The following TRPM3 variants were observed in gnomAD, a reference collection of about 807,000 sequenced individuals.
TRPM3 encodes the protein long transient receptor potential channel 3.
TRPM3 carries 77 observed loss-of-function variants against 181.2 expected under a neutral mutation model. The observed-to-expected ratio is 0.42, with a 90% CI of 0.35 to 0.51. TRPM3 has a LOEUF of 0.51. Ranked by LOEUF, TRPM3 falls within the 20% of genes least tolerant of loss-of-function variation. TRPM3 has a pLI of 0.01. For missense variants in TRPM3, 1,759 were observed against 2,196.7 expected (o/e 0.80, Z 3.98); for synonymous variants, 745 against 796.4 (o/e 0.94, Z 1.09).
chr9:70,650,353 A>T (rs1341661514), intron 9 of TRPM3, among the ~76,000 whole-genome samples: 1 of 152,050 alleles, frequency 6.6e-6, no homozygotes, highest in African/African-American at 2.4e-5. Context: ...GGCCAGCTCA[A>T]TTTTTCCCCT....
intron 1 of TRPM3, among the ~76,000 whole-genome samples, chr9:71,037,835 T>C (rs900212212): frequency 6.6e-6 from 1 of 152,256 alleles, no homozygotes; most frequent in Admixed American, 6.5e-5. Flanking sequence ...CTATCAAGTA[T>C]GGATGCCACA....
Position 71,062,713 on chromosome 9 carries a change from C to T in TRPM3, c.177+58465G>A, listed in dbSNP as rs79727585. Among the ~76,000 whole-genome samples the T allele has an allele frequency of 4.9e-3, 748 of 152,126 alleles. 18 individuals are homozygous for T. In the East Asian group the frequency reaches 0.078, roughly 16 times the overall value. ...TTATTAGGTCATAAGGGCTCTACTT[C>T]CATGAATGAATTAATGCCGTTATCA... is the stretch of plus-strand genomic sequence containing the variant. On this transcript the variant is annotated intron_variant, in intron 1 of 25. Coordinates refer to ENST00000677713, the MANE Select transcript of TRPM3 (RefSeq NM_001366145.2).
intron 1 of TRPM3, among the ~76,000 whole-genome samples, chr9:71,217,140 C>T (rs898180201): frequency 1.3e-5 from 2 of 151,124 alleles, no homozygotes; most frequent in Middle Eastern, 3.4e-3. Flanking sequence ...TTAGTAGAGA[C>T]GGGGTTTCAC....
At chr9:71,324,875 G>A (rs893722010) in intron 1 of TRPM3, among the ~76,000 whole-genome samples, 1 of 152,076 alleles carries the variant, frequency 6.6e-6, no homozygotes, top group Non-Finnish European at 1.5e-5. Flanking sequence ...GTTCTCACAT[G>A]TGTAAGCTAA....
At chr9:70,657,000 C>T (rs2060442521) in intron 9 of TRPM3, among the ~76,000 whole-genome samples, 1 of 149,320 alleles carries the variant, frequency 6.7e-6, no homozygotes. Flanking sequence ...TAAATGTAGT[C>T]CTAGAATAAA....
At chr9:70,558,240 C>A (rs2048212724) in intron 22 of TRPM3, among the ~76,000 whole-genome samples, 1 of 152,196 alleles carries the variant, frequency 6.6e-6, no homozygotes, top group Non-Finnish European at 1.5e-5. Context: ...CTCAGCCATG[C>A]CTAAAACCAG....
At chr9:70,913,257 A>G (rs1184799655) in intron 1 of TRPM3, among the ~76,000 whole-genome samples, 6 of 152,100 alleles carry the variant, frequency 3.9e-5, no homozygotes, top group African/African-American at 1.4e-4. Flanking sequence ...TTTCAATTCT[A>G]CCCGTACGCA....
At chr9:71,402,163 A>C (rs1005523165) in intron 1 of TRPM3, among the ~76,000 whole-genome samples, 3 of 152,234 alleles carry the variant, frequency 2.0e-5, no homozygotes, top group African/African-American at 7.2e-5. Context: ...TTTGCTGCTT[A>C]CTTTTGCCAA....
chr9:70,916,218 A>C (rs1352521708), intron 1 of TRPM3, among the ~76,000 whole-genome samples: 2 of 152,186 alleles, frequency 1.3e-5, no homozygotes, highest in East Asian at 3.9e-4. Flanking sequence ...TTTCATCAAC[A>C]CCAGACCTGT....
At chr9:70,889,415 C>T (rs992683687) in intron 1 of TRPM3, among the ~76,000 whole-genome samples, 6 of 152,120 alleles carry the variant, frequency 3.9e-5, no homozygotes, top group South Asian at 2.1e-4. Context: ...GCGAGGTCCC[C>T]GCCAACCCCA....
chr9:70,971,367 T>C (rs895035421), intron 1 of TRPM3, among the ~76,000 whole-genome samples: 2 of 152,128 alleles, frequency 1.3e-5, no homozygotes, highest in African/African-American at 4.8e-5. Flanking sequence ...TTCTTGCCCT[T>C]TTTAATGCCT....
At chr9:70,538,977 T>C (rs2042527306) in intron 25 of TRPM3, among the ~76,000 whole-genome samples, 1 of 152,256 alleles carries the variant, frequency 6.6e-6, no homozygotes. Flanking sequence ...CACTTTTAAA[T>C]GTCCAAAGAC....
intron 1 of TRPM3, among the ~76,000 whole-genome samples, chr9:71,041,602 C>A (rs1266445059): frequency 6.6e-6 from 1 of 152,088 alleles, no homozygotes; most frequent in African/African-American, 2.4e-5. Flanking sequence ...CCACTCGACC[C>A]AGCTCAGAGA....
In TRPM3 at chr9:71,405,738, A is replaced by G. The variant is rs115070593; in HGVS notation, c.183+40915T>C. The stretch of plus-strand genomic sequence containing the variant: ...TCCTTTCGTGCTTATAAAATTATCA[A>G]CTCTATTTGTCCTTATTCCCTGTAC... On this transcript the variant is annotated intron_variant, in intron 1 of 24. Transcript: ENST00000357533. Among the ~76,000 whole-genome samples, 857 of 152,162 alleles carry G rather than the reference A, an allele frequency of 5.6e-3. 12 individuals are homozygous for G. The highest frequency in any genetic ancestry group is 0.019 in the African/African-American group (806 of 41,484).
rs1043647803 is a variant in TRPM3 at position 71,262,017 on chromosome 9, C to T, written c.183+184636G>A. Among the ~76,000 whole-genome samples the T allele has an allele frequency of 5.9e-5, 9 of 152,328 alleles. No individual in the cohort carries two copies. In the East Asian group the frequency reaches 9.7e-4, roughly 16 times the overall value. On this transcript the variant is annotated intron_variant, in intron 1 of 24. Transcript: ENST00000357533. ...CTTGAGGAGGCAGTCTGTCCCTTAG[C>T]AGAGCTCAAGCACTGTGCTGGGAGA...
intron 1 of TRPM3, among the ~76,000 whole-genome samples, chr9:71,234,186 T>C (rs937028691): frequency 2.0e-5 from 3 of 152,176 alleles, no homozygotes; most frequent in Non-Finnish European, 4.4e-5. Flanking sequence ...CAACCCTCTA[T>C]ATAGAGCTGC....
intron 1 of TRPM3, among the ~76,000 whole-genome samples, chr9:71,215,723 A>C (rs2079822596): frequency 6.6e-6 from 1 of 152,192 alleles, no homozygotes; most frequent in South Asian, 2.1e-4. Flanking sequence ...TTTTGTGAGA[A>C]ATTGAAAATT....
Position 71,136,537 on chromosome 9 carries a change from C to T in TRPM3, c.184-272026G>A, listed in dbSNP as rs532303029. Among the ~76,000 whole-genome samples the T allele has an allele frequency of 4.6e-5, 7 of 152,342 alleles. No homozygotes were observed. In the East Asian group the frequency reaches 9.6e-4, roughly 21 times the overall value. On this transcript the variant is annotated intron_variant, in intron 1 of 24. Coordinates refer to the TRPM3 transcript ENST00000357533. ...TACTTCTTCGCAATCATACATAACA[C>T]ATTTAATATCCTCCTCCTGAACACA... is the stretch of plus-strand genomic sequence containing the variant.
intron 1 of TRPM3, among the ~76,000 whole-genome samples, chr9:71,331,239 A>G (rs915209250): frequency 2.0e-5 from 3 of 151,972 alleles, no homozygotes; most frequent in African/African-American, 7.2e-5. Flanking sequence ...ATTACATAAC[A>G]GAAACTCATT....
Sources: gnomAD v4.1 joint callset for allele counts (sites outside exome capture counted in the v4.1 genomes callset) on GRCh38, gnomAD v4.1.1 for gene constraint, MANE v1.5 for transcripts, NCBI Gene and HGNC (gene_info 2026-07-23, HGNC 2026-07-21) for gene names.